The following WDR49 variants were observed in gnomAD, a reference collection of about 807,000 sequenced individuals.
WDR49 encodes cilia- and flagella-associated protein 337.
Under a neutral mutation model 119.5 loss-of-function variants are expected in WDR49, and 107 were observed. That is an observed-to-expected ratio of 0.90 (90% CI 0.77 to 1.05). WDR49 has a LOEUF of 1.05. Among genes scored for constraint, WDR49 ranks in the 50% least tolerant of loss-of-function variants. The pLI is 0.00. For synonymous variants in WDR49, 425 were observed against 418.8 expected (o/e 1.01, Z -0.18); for missense variants, 1,240 against 1,220.5 (o/e 1.02, Z -0.24).
chr3:167,505,468 A>C, intron 16 of WDR49, 52 bp from the exon 17 acceptor site: 1 of 1,449,888 alleles, frequency 6.9e-7, no homozygotes, highest in Non-Finnish European at 9.0e-7. Context: ...AGGGATGGAG[A>C]AACTCTTTCT....
rs1007980134 is a variant in WDR49 at position 167,497,470 on chromosome 3, G to T, written c.3031+2683C>A. ...TTTGAGAATTTATTAGAGTCTTTTAGGTATTTTGGTTATTTCTGCCCAGCC... is the reference window on the plus strand; with the variant it reads ...TTTGAGAATTTATTAGAGTCTTTTATGTATTTTGGTTATTTCTGCCCAGCC... On this transcript the variant is annotated intron_variant, in intron 18 of 18. Coordinates refer to ENST00000682715, the MANE Select transcript of WDR49 (RefSeq NM_001366157.1). 3.9e-5 allele frequency among the ~76,000 whole-genome samples: 6 copies of T among 152,082 alleles called. No homozygotes were observed. The South Asian group carries it at 1.0e-3, about 26-fold the overall frequency.
upstream of WDR49, among the ~76,000 whole-genome samples, chr3:167,655,079 T>C (rs1432636555): frequency 6.6e-6 from 1 of 152,102 alleles, no homozygotes; most frequent in Non-Finnish European, 1.5e-5. Context: ...AATTGACTCA[T>C]AATTTCACAT....
intron 16 of WDR49, among the ~76,000 whole-genome samples, chr3:167,510,577 C>A (rs1751934768): frequency 6.6e-6 from 1 of 152,024 alleles, no homozygotes; most frequent in African/African-American, 2.4e-5. Flanking sequence ...CTATATTCAT[C>A]TCCCCAGGAC....
At chr3:167,530,974 C>T in intron 13 of WDR49, 141 bp downstream of exon 13, 1 of 817,718 alleles carries the variant, frequency 1.2e-6, no homozygotes, top group Non-Finnish European at 1.8e-6. Flanking sequence ...ACTTCCTTTG[C>T]CATGGTCTGT....
rs1421866508 is a variant in WDR49 at position 167,604,200 on chromosome 3, A to G, written c.1126+101T>C. Reference sequence around the variant, plus strand: ...ATGTGAGCTTCTCGAGATGGTCTCTATAGCAATACAGCAACAAGGTAGCAA... The same window carrying G: ...ATGTGAGCTTCTCGAGATGGTCTCTGTAGCAATACAGCAACAAGGTAGCAA... On this transcript the variant is annotated intron_variant, in intron 6 of 18. Transcript: ENST00000682715. 7 of 1,367,520 alleles carry G rather than the reference A, an allele frequency of 5.1e-6. No homozygotes were observed. In the East Asian group the frequency reaches 1.5e-4, roughly 28 times the overall value. The allele number at this position is 1,367,520 out of a possible 1,614,324, so 84.7% of individuals were successfully genotyped here.
chr3:167,536,732 TAC>T (rs1004250850), intron 11 of WDR49, 136 bp downstream of exon 11: 203 of 200,962 alleles, frequency 1.0e-3, no homozygotes, highest in Middle Eastern at 2.1e-3. Context: ...TATATATATA[TAC>T]ACACACACAC....
intron 7 of WDR49, among the ~76,000 whole-genome samples, chr3:167,593,488 A>G (rs1199088487): frequency 6.6e-6 from 1 of 151,866 alleles, no homozygotes; most frequent in Admixed American, 6.6e-5. Context: ...AATTTATCTG[A>G]TAGAATTCTG....
At chr3:167,556,933 G>C (rs1387713831) in intron 9 of WDR49, among the ~76,000 whole-genome samples, 1 of 152,190 alleles carries the variant, frequency 6.6e-6, no homozygotes, top group African/African-American at 2.4e-5. Context: ...GCTGAAGCAG[G>C]AGAATAGCTT....
chr3:167,596,455 G>C (rs78099993), intron 7 of WDR49, among the ~76,000 whole-genome samples: 4,249 of 151,822 alleles, frequency 0.028, 164 homozygotes, highest in East Asian at 0.17. Flanking sequence ...CAATAGCAAA[G>C]ACTTGGAACC....
In WDR49 at chr3:167,527,979, C is replaced by A. The variant is rs111958652; in HGVS notation, c.2445G>T (p.Lys815Asn). 1,455 of 1,612,968 alleles carry A rather than the reference C, an allele frequency of 9.0e-4. 14 individuals are homozygous for A. The African/African-American group carries it at 0.016, about 18-fold the overall frequency. The part of the protein sequence containing the change: ...CLNSSKNKIT[K>N]APTLIRSFQP... ...GGAATGATCTTATCAGAGTTGGGGC[C>A]TTGGTGATTTTGTTCTTACTGGAGT... The change falls in exon 15 of 19, where the codon AAG (lysine) becomes AAT (asparagine). Residue 815 changes from lysine to asparagine, a missense_variant. Transcript: ENST00000682715.
At chr3:167,604,158 C>T in intron 6 of WDR49, 143 bp downstream of exon 6, 2 of 922,590 alleles carry the variant, frequency 2.2e-6, no homozygotes, top group South Asian at 3.9e-5. Flanking sequence ...CATTATCAGA[C>T]ATTCTCAGGC....
At chr3:167,484,339 T>G (rs539654478) in intron 18 of WDR49, among the ~76,000 whole-genome samples, 1 of 152,072 alleles carries the variant, frequency 6.6e-6, no homozygotes, top group Non-Finnish European at 1.5e-5. Context: ...GAGATATACC[T>G]AATGTAAATG....
chr3:167,528,642 C>T (rs1752727034), intron 14 of WDR49, among the ~76,000 whole-genome samples: 1 of 152,000 alleles, frequency 6.6e-6, no homozygotes, highest in South Asian at 2.1e-4. Context: ...TGGCTGGAAC[C>T]AGGAGTTTGA....
chr3:167,582,408 T>TA (rs1016205404), intron 7 of WDR49, among the ~76,000 whole-genome samples: 11 of 152,172 alleles, frequency 7.2e-5, no homozygotes, highest in African/African-American at 2.7e-4. Context: ...TCCCCAGGAC[T>TA]AAAATCAAAC....
intron 5 of WDR49, 150 bp downstream of exon 5, chr3:167,620,279 C>A: frequency 1.6e-6 from 1 of 628,508 alleles, no homozygotes; most frequent in Non-Finnish European, 2.3e-6. Flanking sequence ...TGCCAGTATT[C>A]AAGGGATAGC....
intron 16 of WDR49, among the ~76,000 whole-genome samples, chr3:167,521,828 A>T (rs960263842): frequency 1.4e-4 from 22 of 152,266 alleles, no homozygotes; most frequent in African/African-American, 5.3e-4. Context: ...GAAGAGAAGA[A>T]CGTCTGAGCA....
At chr3:167,626,346 T>A (rs181509495) in intron 3 of WDR49, among the ~76,000 whole-genome samples, 125 of 152,150 alleles carry the variant, frequency 8.2e-4, no homozygotes, top group Middle Eastern at 3.4e-3. Flanking sequence ...TTCATATAAA[T>A]TATTACCAAT....
intron 7 of WDR49, among the ~76,000 whole-genome samples, chr3:167,593,695 G>T (rs1045381236): frequency 6.6e-6 from 1 of 152,034 alleles, no homozygotes; most frequent in East Asian, 1.9e-4. Flanking sequence ...GCATTGAAGA[G>T]TTAGGTGTTT....
intron 5 of WDR49, among the ~76,000 whole-genome samples, chr3:167,605,123 CACACAT>C (rs1264686383): frequency 7.9e-5 from 12 of 151,626 alleles, no homozygotes; most frequent in African/African-American, 2.9e-4. Flanking sequence ...CACACACACA[CACACAT>C]ACACAGGTAT....
Sources: gnomAD v4.1 joint callset for allele counts (sites outside exome capture counted in the v4.1 genomes callset) on GRCh38, gnomAD v4.1.1 for gene constraint, MANE v1.5 for transcripts, NCBI Gene and HGNC (gene_info 2026-07-23, HGNC 2026-07-21) for gene names.